The following DCC variants were observed in gnomAD, a reference collection of about 807,000 sequenced individuals.
DCC encodes DCC netrin 1 receptor.
A neutral mutation model predicts 172.5 loss-of-function variants in DCC; 58 were observed. The observed-to-expected ratio is 0.34, with a 90% CI of 0.27 to 0.42. The LOEUF (loss-of-function observed/expected upper bound fraction) is 0.42. DCC is among the 10% of genes least tolerant of loss of function. DCC has a pLI of 1.00. For synonymous variants in DCC, 709 were observed against 644.5 expected (o/e 1.10, Z -1.52); for missense variants, 1,740 against 1,791.0 (o/e 0.97, Z 0.51).
At chr18:52,960,276 A>T (rs145114195) in intron 5 of DCC, among the ~76,000 whole-genome samples, 2,063 of 152,188 alleles carry the variant, frequency 0.014, 60 homozygotes, top group African/African-American at 0.048. Context: ...TCCCTGAAGG[A>T]TTTTCCTGTA....
rs570925969 is a variant in DCC, at chr18:52,532,201, TA to T, written c.91+191327del. Among the ~76,000 whole-genome samples, 279 of 152,294 alleles carry T rather than the reference TA, an allele frequency of 1.8e-3. 1 individual carries two copies. Among genetic ancestry groups the T allele is most frequent in the African/African-American group, 6.5e-3 (271 of 41,576 alleles). On this transcript the variant is annotated intron_variant, in intron 1 of 28. Coordinates refer to ENST00000442544, the MANE Select transcript of DCC (RefSeq NM_005215.4). ...CTTCTAGTTTCTTCTATTATAGGAA[TA>T]AAATAGTTATGTTGGCACTTAGAAA...
At chr18:52,353,084 T>G (rs1408058382) in intron 1 of DCC, among the ~76,000 whole-genome samples, 1 of 152,202 alleles carries the variant, frequency 6.6e-6, no homozygotes, top group African/African-American at 2.4e-5. Flanking sequence ...TTGAAGCATC[T>G]GTTGCATGCT....
chr18:52,611,804 T>G (rs2034281942), intron 1 of DCC, among the ~76,000 whole-genome samples: 1 of 152,174 alleles, frequency 6.6e-6, no homozygotes, highest in Admixed American at 6.5e-5. Context: ...CATGATATAC[T>G]ACATGGTTTA....
chr18:52,725,664 T>C (rs190976128), intron 1 of DCC, among the ~76,000 whole-genome samples: 53 of 152,326 alleles, frequency 3.5e-4, no homozygotes, highest in Admixed American at 1.2e-3. Context: ...AGGGTGGTTT[T>C]ATCTTACTAG....
At chr18:53,232,437 C>A (rs190577629) in intron 12 of DCC, among the ~76,000 whole-genome samples, 8 of 152,244 alleles carry the variant, frequency 5.3e-5, no homozygotes, top group African/African-American at 1.7e-4. Context: ...TATTATGGAT[C>A]TGATTTTCCA....
At chr18:53,358,382 G>T (rs972380574) in intron 15 of DCC, among the ~76,000 whole-genome samples, 1 of 151,832 alleles carries the variant, frequency 6.6e-6, no homozygotes, top group African/African-American at 2.4e-5. Context: ...AAAATTTCTT[G>T]TAATAGATAG....
intron 7 of DCC, among the ~76,000 whole-genome samples, chr18:53,137,637 G>A (rs1007859738): frequency 2.0e-5 from 3 of 152,122 alleles, no homozygotes; most frequent in African/African-American, 7.2e-5. Context: ...TGGAAGTACA[G>A]TCATCTTAGA....
intron 1 of DCC, among the ~76,000 whole-genome samples, chr18:52,513,306 G>T (rs2045154): frequency 0.57 from 86,919 of 152,042 alleles, 25,320 homozygotes; most frequent in South Asian, 0.69. Flanking sequence ...GACTTCCTGA[G>T]TTTCCATCCT....
chr18:53,334,047 C>A (rs960451596), intron 14 of DCC, among the ~76,000 whole-genome samples: 1 of 152,194 alleles, frequency 6.6e-6, no homozygotes, highest in Non-Finnish European at 1.5e-5. Flanking sequence ...CCTTTTCCTG[C>A]ACCACTCACA....
chr18:52,833,919 C>A (rs1311838466), intron 2 of DCC, among the ~76,000 whole-genome samples: 1 of 152,174 alleles, frequency 6.6e-6, no homozygotes, highest in Non-Finnish European at 1.5e-5. Flanking sequence ...CGGCTTCGGC[C>A]TCCCAAAGTA....
At chr18:52,549,533 T>TA (rs2032706374) in intron 1 of DCC, among the ~76,000 whole-genome samples, 1 of 152,106 alleles carries the variant, frequency 6.6e-6, no homozygotes, top group Non-Finnish European at 1.5e-5. Flanking sequence ...CTCCACACGG[T>TA]GAACCAGTGT....
intron 1 of DCC, among the ~76,000 whole-genome samples, chr18:52,426,974 G>A (rs540694079): frequency 7.2e-5 from 11 of 152,150 alleles, no homozygotes; most frequent in African/African-American, 2.4e-4. Flanking sequence ...GTTCTATGAC[G>A]TAGGTGCTGT....
intron 7 of DCC, among the ~76,000 whole-genome samples, chr18:53,075,387 G>A (rs2042710435): frequency 1.3e-5 from 2 of 152,302 alleles, no homozygotes; most frequent in Middle Eastern, 3.4e-3. Flanking sequence ...GGATATGGCT[G>A]TATGGCAGAC....
chr18:53,517,841 A>T (rs952810550), intron 27 of DCC, among the ~76,000 whole-genome samples: 2 of 152,162 alleles, frequency 1.3e-5, no homozygotes, highest in Non-Finnish European at 1.5e-5. Flanking sequence ...AAAATGCCTT[A>T]AGATTGTTGC....
At chr18:52,656,221 G>A (rs1490024056) in intron 1 of DCC, among the ~76,000 whole-genome samples, 3 of 151,614 alleles carry the variant, frequency 2.0e-5, no homozygotes, top group African/African-American at 7.3e-5. Flanking sequence ...ATGGTGTTAG[G>A]AGATGGGACC....
intron 5 of DCC, among the ~76,000 whole-genome samples, chr18:53,005,522 T>C (rs1357376327): frequency 6.6e-6 from 1 of 152,078 alleles, no homozygotes; most frequent in African/African-American, 2.4e-5. Context: ...TTCTTGAGGT[T>C]AGGAGTTCAA....
At chr18:53,499,187 T>C in intron 26 of DCC, 111 bp from the exon 27 acceptor site, 2 of 1,076,736 alleles carry the variant, frequency 1.9e-6, no homozygotes, top group Non-Finnish European at 2.8e-6. Flanking sequence ...GAGAAGAGAC[T>C]GACCACATCC....
intron 2 of DCC, among the ~76,000 whole-genome samples, chr18:52,803,211 C>A (rs1388262229): frequency 6.6e-6 from 1 of 152,112 alleles, no homozygotes; most frequent in Non-Finnish European, 1.5e-5. Context: ...TACAATATTG[C>A]ACTAAACACT....
At chr18:52,759,663 TAA>T (rs2037128833) in intron 2 of DCC, among the ~76,000 whole-genome samples, 1 of 152,192 alleles carries the variant, frequency 6.6e-6, no homozygotes, top group South Asian at 2.1e-4. Context: ...TACAAAAATT[TAA>T]GTTTCTTGAA....
Sources: allele counts gnomAD v4.1 joint callset (sites outside exome capture counted in the v4.1 genomes callset), GRCh38; gene constraint gnomAD v4.1.1; transcripts MANE v1.5; gene names NCBI Gene and HGNC (gene_info 2026-07-23, HGNC 2026-07-21).